RRAS2: variants seen among roughly 807,000 people sequenced by gnomAD.
RRAS2 encodes the protein RAS related 2.
In RRAS2, 7 loss-of-function variants were observed where a neutral mutation model predicts 27.6. The ratio of observed to expected loss-of-function variants is 0.25; its 90% CI spans 0.14 to 0.48. The LOEUF is 0.48. RRAS2 is among the 20% of genes least tolerant of loss of function. The probability of loss-of-function intolerance (pLI) is 0.99; values close to 1 mark genes in which losing one functional copy is unlikely to be tolerated. For synonymous variants in RRAS2, 86 were observed against 90.9 expected (o/e 0.95, Z 0.31); for missense variants, 178 against 256.2 (o/e 0.69, Z 2.08).
At position 14,294,522 on chromosome 11, in the gene RRAS2, C is replaced by T; in HGVS notation, c.357G>A (p.Glu119=). 1.2e-6 allele frequency: 2 copies of T among 1,601,394 alleles called. No individual in the cohort carries two copies. Among genetic ancestry groups the T allele is most frequent in the Non-Finnish European group, 8.5e-7 (1 of 1,175,106 alleles). The change falls in exon 4 of 6, where the codon GAG becomes GAA. Residue 119 remains glutamate, a synonymous_variant. Transcript: ENST00000256196. ...TATTACCAATTAAAATCATTGGGAA[C>T]TCATCACGATCCTTTACTCTGAGAA... The part of the protein sequence containing the change: ...RQILRVKDRD[E]FPMILIGNKA...
At chr11:14,291,770 G>A (rs1847401226) in intron 4 of RRAS2, among the ~76,000 whole-genome samples, 1 of 152,032 alleles carries the variant, frequency 6.6e-6, no homozygotes, top group African/African-American at 2.4e-5. Context: ...ACTGTCTGCA[G>A]ACAGATGGAA....
intron 1 of RRAS2, among the ~76,000 whole-genome samples, chr11:14,307,583 G>T (rs946267099): frequency 1.3e-5 from 2 of 152,002 alleles, no homozygotes; most frequent in East Asian, 3.9e-4. Flanking sequence ...TAAATAACCT[G>T]CCAAAGGTCA....
chr11:14,293,630 C>A (rs1177877227), intron 4 of RRAS2, among the ~76,000 whole-genome samples: 1 of 152,172 alleles, frequency 6.6e-6, no homozygotes, highest in Non-Finnish European at 1.5e-5. Context: ...CTCTTGCCTG[C>A]CGTCATGTAA....
At chr11:14,291,328 A>G (rs1849810667) in intron 4 of RRAS2, among the ~76,000 whole-genome samples, 1 of 152,188 alleles carries the variant, frequency 6.6e-6, no homozygotes, top group Non-Finnish European at 1.5e-5. Context: ...AGTGGTCATG[A>G]CTTTAAAAGT....
At chr11:14,343,464 G>A (rs1057068029) in intron 1 of RRAS2, among the ~76,000 whole-genome samples, 5 of 152,106 alleles carry the variant, frequency 3.3e-5, no homozygotes, top group Non-Finnish European at 5.9e-5. Flanking sequence ...AAAGTGCTTC[G>A]TCATAAAACA....
intron 1 of RRAS2, among the ~76,000 whole-genome samples, chr11:14,337,496 A>C (rs1425913513): frequency 2.0e-5 from 3 of 152,106 alleles, no homozygotes; most frequent in Non-Finnish European, 4.4e-5. Flanking sequence ...CTTCTCATCA[A>C]GTAGGCATTA....
chr11:14,280,229 C>T (rs781808403), intron 5 of RRAS2, among the ~76,000 whole-genome samples: 3 of 151,930 alleles, frequency 2.0e-5, no homozygotes, highest in Non-Finnish European at 4.4e-5. Context: ...CAACCATCAT[C>T]GCCATCCATC....
At chr11:14,331,993 C>A (rs1470482194) in intron 1 of RRAS2, among the ~76,000 whole-genome samples, 4 of 152,126 alleles carry the variant, frequency 2.6e-5, no homozygotes, top group African/African-American at 7.2e-5. Context: ...CAATGAGATA[C>A]CACAGCACAG....
At chr11:14,313,973 A>G (rs1848036385) in intron 1 of RRAS2, among the ~76,000 whole-genome samples, 1 of 152,254 alleles carries the variant, frequency 6.6e-6, no homozygotes, top group African/African-American at 2.4e-5. Context: ...GAATTTAGCA[A>G]GTATTTTTAA....
At chr11:14,332,070 T>C (rs1333647974) in intron 1 of RRAS2, among the ~76,000 whole-genome samples, 1 of 152,182 alleles carries the variant, frequency 6.6e-6, no homozygotes, top group Admixed American at 6.5e-5. Context: ...CCATACCCAG[T>C]TGCTGGGAAT....
At chr11:14,356,539 G>A (rs1225083071) in intron 1 of RRAS2, 2 of 253,616 alleles carry the variant, frequency 7.9e-6, no homozygotes, top group African/African-American at 4.7e-5. Context: ...TTTTACTGGC[G>A]AGAAAACTGA....
chr11:14,336,597 A>T (rs1322728010), intron 1 of RRAS2, among the ~76,000 whole-genome samples: 1 of 152,230 alleles, frequency 6.6e-6, no homozygotes, highest in Non-Finnish European at 1.5e-5. Context: ...CAAAATAAAG[A>T]GCTCAGTGGA....
At chr11:14,325,246 T>C (rs1332665901) in intron 1 of RRAS2, among the ~76,000 whole-genome samples, 1 of 152,132 alleles carries the variant, frequency 6.6e-6, no homozygotes, top group Non-Finnish European at 1.5e-5. Flanking sequence ...TACCACAAAA[T>C]GAGCTTGCAC....
intron 1 of RRAS2, chr11:14,308,084 T>A (rs1017437355): frequency 1.8e-5 from 5 of 279,430 alleles, no homozygotes; most frequent in African/African-American, 4.6e-5. Context: ...AAAAAAGGAA[T>A]GACTTCATGC....
At chr11:14,279,486 G>C in intron 5 of RRAS2, 62 bp from the exon 6 acceptor site, 1 of 1,205,228 alleles carries the variant, frequency 8.3e-7, no homozygotes, top group Non-Finnish European at 1.2e-6. Flanking sequence ...TACAAACACA[G>C]GTTATTTTTT....
At chr11:14,314,353 G>A (rs1414968607) in intron 1 of RRAS2, among the ~76,000 whole-genome samples, 1 of 152,134 alleles carries the variant, frequency 6.6e-6, no homozygotes, top group Non-Finnish European at 1.5e-5. Flanking sequence ...GCTTTCCCTT[G>A]ATCATTTTGG....
intron 1 of RRAS2, among the ~76,000 whole-genome samples, chr11:14,347,842 A>G (rs1358082871): frequency 7.0e-6 from 1 of 142,054 alleles, no homozygotes; most frequent in East Asian, 2.0e-4. Flanking sequence ...AAAAGAATAT[A>G]AATAATTTTT....
chr11:14,286,635 CAGTATCATT>C (rs1209034943), intron 4 of RRAS2, among the ~76,000 whole-genome samples: 3 of 152,242 alleles, frequency 2.0e-5, no homozygotes, highest in African/African-American at 7.2e-5. Flanking sequence ...AGCCTCAATA[CAGTATCATT>C]AGTTTAGTAC....
At chr11:14,343,584 G>A (rs1194715950) in intron 1 of RRAS2, among the ~76,000 whole-genome samples, 3 of 152,182 alleles carry the variant, frequency 2.0e-5, no homozygotes, top group African/African-American at 7.2e-5. Context: ...ATCACTTTGG[G>A]AGGCCAAGGC....
Sources: gnomAD v4.1 joint callset for allele counts (sites outside exome capture counted in the v4.1 genomes callset) on GRCh38, gnomAD v4.1.1 for gene constraint, MANE v1.5 for transcripts, NCBI Gene and HGNC (gene_info 2026-07-23, HGNC 2026-07-21) for gene names.